Variants in SPEG observed in about 807,000 individuals in gnomAD.
SPEG encodes striated muscle enriched protein kinase, also known as striated muscle preferentially expressed protein kinase.
In SPEG, 114 loss-of-function variants were observed where a neutral mutation model predicts 300.4. The ratio of observed to expected loss-of-function variants is 0.38; its 90% CI spans 0.33 to 0.44. The LOEUF is 0.44. Ranked by LOEUF, SPEG falls within the 20% of genes least tolerant of loss-of-function variation. SPEG has a pLI of 1.00. For missense variants in SPEG, 4,201 were observed against 4,586.2 expected, an observed-to-expected ratio of 0.92 and a Z score of 2.43; for synonymous variants, 1,964 against 2,018.9, an observed-to-expected ratio of 0.97 and a Z score of 0.73.
intron 6 of SPEG, among the ~76,000 whole-genome samples, chr2:219,452,885 C>T (rs1179868774): frequency 6.6e-6 from 1 of 152,302 alleles, no homozygotes; most frequent in East Asian, 1.9e-4. Flanking sequence ...GTTCTTGATG[C>T]ATCTGATCAT....
chr2:219,441,865 C>CGCCGCCGCTGCT (rs1001692635), intron 1 of SPEG, among the ~76,000 whole-genome samples: 1 of 150,936 alleles, frequency 6.6e-6, no homozygotes, highest in African/African-American at 2.4e-5. Flanking sequence ...CCAGCGCCGC[C>CGCCGCCGCTGCT]GCCGCCGCTG....
At chr2:219,450,912 T>C (rs932623982) in intron 4 of SPEG, 2 of 478,240 alleles carry the variant, frequency 4.2e-6, no homozygotes, top group Non-Finnish European at 3.7e-6. Flanking sequence ...CACACTAACA[T>C]GGAGTCAAGG....
Position 219,484,072 on chromosome 2 carries a change from G to C in SPEG, c.6609G>C (p.Pro2203=). Residue 2203 remains proline, a synonymous_variant, in exon 30 of 41, where the codon CCG becomes CCC. Transcript: ENST00000312358. The part of the protein sequence containing the change: ...EPSATTPSDA[P]QPPAPQPAQD... The stretch of plus-strand genomic sequence containing the variant: ...CTGCCACCACACCTAGTGATGCTCC[G>C]CAGCCCCCCGCACCCCAGCCTGCCC... 1 of 1,613,554 alleles carries C rather than the reference G, an allele frequency of 6.2e-7. No individual in the cohort carries two copies. The highest frequency in any genetic ancestry group is 1.1e-5 in the South Asian group (1 of 91,050).
At position 219,444,115 on chromosome 2, in the gene SPEG, C is replaced by G; in HGVS notation, c.389-538C>G. ...GCATCCCCCCCTTTCCCACCCGGCC[C>G]CGGCCTCTCCTCACCCTGCCTCAGC... On this transcript the variant is annotated intron_variant, in intron 1 of 40. Transcript: ENST00000312358. The surrounding 1 kb of genome is among the most constrained non-coding windows in gnomAD (Gnocchi z 7.8). 8.0e-7 allele frequency: 1 copy of G among 1,250,960 alleles called. No homozygotes were observed. Among genetic ancestry groups the G allele is most frequent in the South Asian group, 1.2e-5 (1 of 81,376 alleles). The allele number at this position is 1,250,960 out of a possible 1,614,324, so 77.5% of individuals were successfully genotyped here.
chr2:219,452,656 C>T (rs760718261), intron 6 of SPEG, among the ~76,000 whole-genome samples: 5 of 152,230 alleles, frequency 3.3e-5, no homozygotes, highest in African/African-American at 2.4e-5. Flanking sequence ...GTGCCGAGGA[C>T]ATCCGAGCCG....
Position 219,464,501 on chromosome 2 carries a change from G to A in SPEG, c.2774G>A (p.Cys925Tyr). The change falls in exon 9 of 41, where the codon TGC becomes TAC. Residue 925 changes from cysteine to tyrosine, a missense_variant. By Grantham distance (194) the Cys-to-Tyr change is radical. Transcript: ENST00000312358. The surrounding 1 kb of genome is among the most constrained non-coding windows in gnomAD (Gnocchi z 4.5). ...GCGGAGGAGGCTGAGGGTGGGCTGTGCCGGCTGCGGATCCTGGCTGCAGAG... is the reference window on the plus strand; with the variant it reads ...GCGGAGGAGGCTGAGGGTGGGCTGTACCGGCTGCGGATCCTGGCTGCAGAG... ...RFAEEAEGGL[C>Y]RLRILAAERG... is the part of the protein sequence containing the mutation. The A allele has an allele frequency of 6.2e-7, 1 of 1,614,072 alleles. No individual in the cohort carries two copies.
chr2:219,439,563 C>T lies in SPEG; in HGVS notation c.388+4198C>T, dbSNP rs1466200757. ...GATTTTCTCTGGTTGGAGGGAAATG[C>T]TGGCAGTGCAGAAATTGGAAGTCTG... On this transcript the variant is annotated intron_variant, in intron 1 of 40. Coordinates refer to ENST00000312358, the MANE Select transcript of SPEG (RefSeq NM_005876.5). The surrounding 1 kb of genome is among the most constrained non-coding windows in gnomAD (Gnocchi z 4.5). 6.6e-6 allele frequency among the ~76,000 whole-genome samples: 1 copy of T among 152,088 alleles called. No individual in the cohort carries two copies. Among genetic ancestry groups the T allele is most frequent in the Non-Finnish European group, 1.5e-5 (1 of 68,012 alleles).
rs1217670678 is a variant in SPEG at position 219,492,924 on chromosome 2, C to G, written c.*138C>G. 1 of 924,314 alleles carries G rather than the reference C, an allele frequency of 1.1e-6. No individual in the cohort carries two copies. The highest frequency in any genetic ancestry group is 2.6e-5 in the East Asian group (1 of 38,142). 57.3% of individuals were successfully genotyped at this position (924,314 alleles called of 1,614,324 possible). ...CAGCAACATCTGGCTGGGCTCTTAC[C>G]TCATAGACCTTCAAGGACAGAGACC... On this transcript the variant is annotated 3_prime_UTR_variant, in exon 41 of 41. Transcript: ENST00000312358.
chr2:219,469,488 C>T, intron 13 of SPEG, 109 bp downstream of exon 13: 1 of 901,504 alleles, frequency 1.1e-6, no homozygotes, highest in Non-Finnish European at 1.7e-6. Flanking sequence ...GTAGCCTGAC[C>T]AGGGACAGGG....
intron 18 of SPEG, among the ~76,000 whole-genome samples, chr2:219,475,524 G>T (rs774429254): frequency 1.3e-5 from 2 of 152,304 alleles, no homozygotes; most frequent in South Asian, 2.1e-4. Context: ...GCTTCTGGCC[G>T]TGCTGTGAAG....
chr2:219,451,840 G>A lies in SPEG; in HGVS notation c.2440+33G>A. The A allele has an allele frequency of 6.7e-7, 1 of 1,496,056 alleles. No individual in the cohort carries two copies. Among genetic ancestry groups the A allele is most frequent in the Non-Finnish European group, 9.0e-7 (1 of 1,115,350 alleles). The allele number at this position is 1,496,056 out of a possible 1,614,324, so 92.7% of individuals were successfully genotyped here. ...GCCCATCAACCCTGGGGCTGGGTGGGGGCAAGCCGTGACTCTCCCCTGGCC... is the reference window on the plus strand; with the variant it reads ...GCCCATCAACCCTGGGGCTGGGTGGAGGCAAGCCGTGACTCTCCCCTGGCC... On this transcript the variant is annotated intron_variant, in intron 6 of 40. Transcript: ENST00000312358. The surrounding 1 kb of genome is among the most constrained non-coding windows in gnomAD (Gnocchi z 6.4).
In SPEG at chr2:219,468,948, G is replaced by A. The variant is rs199908320; in HGVS notation, c.3391G>A (p.Glu1131Lys). 9 of 1,613,880 alleles carry A rather than the reference G, an allele frequency of 5.6e-6. No individual in the cohort carries two copies. Among genetic ancestry groups the A allele is most frequent in the Admixed American group, 3.3e-5 (2 of 60,008 alleles). ...LHIAHVGSED[E>K]GLYAVSAVNT... The stretch of plus-strand genomic sequence containing the variant: ...CATTGCCCATGTGGGCAGCGAGGAC[G>A]AGGGGCTCTATGCGGTCAGTGCTGT... Residue 1131 changes from glutamate (E) to lysine (K), a missense_variant, in exon 12 of 41, where the codon GAG becomes AAG. By Grantham distance (56) the Glu-to-Lys change is moderately conservative. This residue lies in a region of SPEG where 1,047 missense variants were observed against 1,356.8 expected (regional missense o/e 0.77). Transcript: ENST00000312358.
In SPEG at chr2:219,477,213, A is replaced by AGGGTGG; in HGVS notation, c.4561-62_4561-61insGTGGGG. 1.4e-5 allele frequency: 20 copies of AGGGTGG among 1,429,104 alleles called. No homozygotes were observed. The highest frequency in any genetic ancestry group is 1.1e-4 in the South Asian group (8 of 75,742). The allele number at this position is 1,429,104 out of a possible 1,614,324, so 88.5% of individuals were successfully genotyped here. ...GATGCGCTGCCCAGAGTAGGAGATG[A>AGGGTGG]GGCCCTGGCCCCAAGGTAGAGATGA... is the stretch of plus-strand genomic sequence containing the variant. On this transcript the variant is annotated intron_variant, in intron 19 of 40. Transcript: ENST00000312358. This position sits in a 1 kb window ranked among gnomAD's most constrained non-coding sequence, Gnocchi z 6.4.
rs1008557705 is a variant in SPEG at position 219,489,523 on chromosome 2, C to A, written c.8505C>A (p.Leu2835=). Residue 2835 remains leucine (L), a synonymous_variant, in exon 36 of 41, where the codon CTC becomes CTA. Transcript: ENST00000312358. ...CTCCTAGCCAGGCCTTGTCCTCGCT[C>A]AAGGCTGTGGGTCCACCACCCCAAA... ...PTPPSQALSS[L]KAVGPPPQTP... 2.5e-6 allele frequency: 4 copies of A among 1,613,278 alleles called. No homozygotes were observed. The highest frequency in any genetic ancestry group is 3.4e-6 in the Non-Finnish European group (4 of 1,179,808).
intron 6 of SPEG, among the ~76,000 whole-genome samples, chr2:219,457,050 T>C (rs921992850): frequency 6.6e-6 from 1 of 152,146 alleles, no homozygotes; most frequent in African/African-American, 2.4e-5. Flanking sequence ...ACATTCTCAG[T>C]CCAAGGGGAA....
Position 219,468,682 on chromosome 2 carries a change from T to C in SPEG, c.3247T>C (p.Phe1083Leu). 6.2e-7 allele frequency: 1 copy of C among 1,614,134 alleles called. No individual in the cohort carries two copies. The highest frequency in any genetic ancestry group is 8.5e-7 in the Non-Finnish European group (1 of 1,179,994). Residue 1083 changes from phenylalanine (F) to leucine (L), a missense_variant, in exon 11 of 41, where the codon TTC (phenylalanine) becomes CTC (leucine). Physicochemically the swap from Phe to Leu is conservative, Grantham distance 22. Around this residue, in one of 4 missense-constraint regions of SPEG, gnomAD observed 1,047 missense variants for 1,356.8 expected, o/e 0.77. Coordinates refer to ENST00000312358, the MANE Select transcript of SPEG (RefSeq NM_005876.5). ...VEVLEGRAAR[F>L]DCKISGTPPP... ...GGTGTTGGAGGGCCGAGCTGCCCGT[T>C]TCGACTGCAAGATCAGTGGCACCCC... is the stretch of plus-strand genomic sequence containing the variant.
At chr2:219,462,078 G>A (rs1462803529) in intron 7 of SPEG, 21 bp downstream of exon 7, 2 of 1,575,666 alleles carry the variant, frequency 1.3e-6, no homozygotes, top group Non-Finnish European at 1.7e-6. Context: ...TGAGGCTGGG[G>A]CCTAGCCTCC....
In SPEG at chr2:219,489,707, T is replaced by A. The variant is rs775940674; in HGVS notation, c.8689T>A (p.Ser2897Thr). ...TPQGVKPVSS[S>T]TPVYVVTSFV... ...TCAAGGGGTTAAACCAGTGTCTTCCTCTACTCCTGTGTATGTGGTGACTTC... is the reference window on the plus strand; with the variant it reads ...TCAAGGGGTTAAACCAGTGTCTTCCACTACTCCTGTGTATGTGGTGACTTC... Residue 2897 changes from serine (S) to threonine (T), a missense_variant, in exon 36 of 41, where the codon TCT (serine) becomes ACT (threonine). Physicochemically the swap from Ser to Thr is moderately conservative, Grantham distance 58 (BLOSUM62 1). Around this residue, in one of 4 missense-constraint regions of SPEG, gnomAD observed 1,578 missense variants for 1,506.0 expected, o/e 1.05. Coordinates refer to ENST00000312358, the MANE Select transcript of SPEG (RefSeq NM_005876.5). The A allele has an allele frequency of 2.5e-6, 4 of 1,614,094 alleles. No homozygotes were observed. The South Asian group carries it at 4.4e-5, about 18-fold the overall frequency.
rs546751138 is a variant in SPEG, at chr2:219,488,566, A to G, written c.7927A>G (p.Ser2643Gly). 6.2e-7 allele frequency: 1 copy of G among 1,611,710 alleles called. No individual in the cohort carries two copies. The highest frequency in any genetic ancestry group is 2.2e-5 in the East Asian group (1 of 44,842). Reference sequence around the variant, plus strand: ...CTGCAAAGATGGGCGGCAGCTGCTCAGCATCCCCCGGGCGGGCAAGCGGCA... The same window carrying G: ...CTGCAAAGATGGGCGGCAGCTGCTCGGCATCCCCCGGGCGGGCAAGCGGCA... ...VSCKDGRQLL[S>G]IPRAGKRHAG... Residue 2643 changes from serine to glycine, a missense_variant, in exon 33 of 41, where the codon AGC becomes GGC. By Grantham distance (56) the Ser-to-Gly change is moderately conservative. Transcript: ENST00000312358.
Sources: allele counts gnomAD v4.1 joint callset (sites outside exome capture counted in the v4.1 genomes callset), GRCh38; gene constraint gnomAD v4.1.1; regional missense constraint gnomAD v4.1.1; non-coding constraint Gnocchi (gnomAD v3.1); transcripts MANE v1.5; gene names NCBI Gene and HGNC (gene_info 2026-07-23, HGNC 2026-07-21).